Variants in DCC observed in about 807,000 individuals in gnomAD.
DCC encodes the protein netrin receptor DCC.
In DCC, 58 loss-of-function variants were observed where a neutral mutation model predicts 172.5. That is an observed-to-expected ratio of 0.34 (90% confidence interval 0.27 to 0.42). The LOEUF (loss-of-function observed/expected upper bound fraction) is 0.42. DCC is among the 10% of genes least tolerant of loss of function. The probability of loss-of-function intolerance (pLI) is 1.00; values close to 1 mark genes in which losing one functional copy is unlikely to be tolerated. For synonymous variants in DCC, 709 were observed against 644.5 expected, an observed-to-expected ratio of 1.10 and a Z score of -1.52; for missense variants, 1,740 against 1,791.0, an observed-to-expected ratio of 0.97 and a Z score of 0.51.
chr18:52,481,692 G>A (rs1373371040), intron 1 of DCC, among the ~76,000 whole-genome samples: 1 of 151,918 alleles, frequency 6.6e-6, no homozygotes, highest in East Asian at 1.9e-4. Flanking sequence ...GGTTAATGTT[G>A]GAACTCTAAC....
At chr18:53,328,079 T>G (rs1308993584) in intron 14 of DCC, among the ~76,000 whole-genome samples, 1 of 152,224 alleles carries the variant, frequency 6.6e-6, no homozygotes, top group East Asian at 1.9e-4. Flanking sequence ...ATATGGTATC[T>G]GTTTCAGTTC....
In DCC at chr18:53,151,593, G is replaced by T. The variant is rs567353845; in HGVS notation, c.1262-5763G>T. Among the ~76,000 whole-genome samples the T allele has an allele frequency of 6.6e-5, 10 of 152,058 alleles. 1 individual carries two copies. The South Asian group carries it at 2.1e-3, about 32-fold the overall frequency. On this transcript the variant is annotated intron_variant, in intron 7 of 28. Coordinates refer to ENST00000442544, the MANE Select transcript of DCC (RefSeq NM_005215.4). ...TTTCACAATGTATATATGCCTCAAG[G>T]TATCATGTTATACAGGATAAAAGCA...
intron 2 of DCC, among the ~76,000 whole-genome samples, chr18:52,817,803 A>G (rs115258935): frequency 0.02 from 3,006 of 151,526 alleles, 45 homozygotes; most frequent in Admixed American, 0.05. Flanking sequence ...ATATATATAT[A>G]TGTGTGTGTG....
At chr18:52,618,536 T>A (rs1212667656) in intron 1 of DCC, among the ~76,000 whole-genome samples, 1 of 152,186 alleles carries the variant, frequency 6.6e-6, no homozygotes, top group Non-Finnish European at 1.5e-5. Context: ...ATAAAAGTGC[T>A]TTTATTCACT....
At chr18:52,435,470 A>G (rs1393802656) in intron 1 of DCC, among the ~76,000 whole-genome samples, 1 of 152,042 alleles carries the variant, frequency 6.6e-6, no homozygotes, top group Non-Finnish European at 1.5e-5. Flanking sequence ...CCTCGGGTGG[A>G]TGGGACCACA....
chr18:52,940,818 A>T (rs1321370204), intron 5 of DCC: 1 of 152,200 alleles, frequency 6.6e-6, no homozygotes, highest in Non-Finnish European at 1.5e-5. Flanking sequence ...TCAAAAGGTC[A>T]ATCAAATGCC....
At chr18:53,180,174 G>A (rs2055173003) in intron 9 of DCC, among the ~76,000 whole-genome samples, 1 of 152,158 alleles carries the variant, frequency 6.6e-6, no homozygotes, top group Non-Finnish European at 1.5e-5. Flanking sequence ...GAGAGCAGGA[G>A]ATACAGTCTG....
chr18:52,658,079 G>A (rs1426767085), intron 1 of DCC, among the ~76,000 whole-genome samples: 2 of 152,124 alleles, frequency 1.3e-5, no homozygotes, highest in African/African-American at 2.4e-5. Flanking sequence ...GTGCAAACTC[G>A]CTCACCATTG....
intron 2 of DCC, among the ~76,000 whole-genome samples, chr18:52,818,418 T>TAAAAAA (rs55812629): frequency 1.0e-4 from 10 of 97,094 alleles, no homozygotes; most frequent in South Asian, 3.2e-4. Flanking sequence ...TCTCAAAAAG[T>TAAAAAA]AAAAAAAAAA....
At chr18:53,266,152 C>A (rs2056671168) in intron 12 of DCC, among the ~76,000 whole-genome samples, 1 of 152,160 alleles carries the variant, frequency 6.6e-6, no homozygotes, top group Non-Finnish European at 1.5e-5. Flanking sequence ...TGTTTTACTT[C>A]TTTTGTCAAC....
chr18:52,405,655 C>T (rs9675361), intron 1 of DCC, among the ~76,000 whole-genome samples: 98,137 of 147,906 alleles, frequency 0.66, 32,691 homozygotes, highest in Non-Finnish European at 0.69. Flanking sequence ...CAAACCACTG[C>T]TCAAGGAAAT....
intron 7 of DCC, among the ~76,000 whole-genome samples, chr18:53,146,295 C>T (rs2043913066): frequency 6.6e-6 from 1 of 152,180 alleles, no homozygotes; most frequent in African/African-American, 2.4e-5. Flanking sequence ...TCTTACAGTT[C>T]TGGAGGCTGG....
At chr18:52,420,422 T>C (rs1480586920) in intron 1 of DCC, among the ~76,000 whole-genome samples, 1 of 152,140 alleles carries the variant, frequency 6.6e-6, no homozygotes, top group Non-Finnish European at 1.5e-5. Context: ...TCTTAAAGTA[T>C]GGTCCACAGT....
At chr18:53,196,507 T>C (rs1221188244) in intron 9 of DCC, among the ~76,000 whole-genome samples, 4 of 152,176 alleles carry the variant, frequency 2.6e-5, no homozygotes, top group Non-Finnish European at 5.9e-5. Context: ...ATTATCCAAC[T>C]GTTTCCAGTT....
chr18:52,399,474 C>T (rs897192798), intron 1 of DCC, among the ~76,000 whole-genome samples: 1 of 151,906 alleles, frequency 6.6e-6, no homozygotes, highest in Non-Finnish European at 1.5e-5. Flanking sequence ...TGAAGCCCAA[C>T]ATCATCTTCC....
chr18:53,408,516 T>C (rs1251223962), intron 19 of DCC, among the ~76,000 whole-genome samples: 1 of 152,204 alleles, frequency 6.6e-6, no homozygotes, highest in Non-Finnish European at 1.5e-5. Context: ...GCAGATGTCA[T>C]GATCTTATGT....
chr18:53,407,455 T>C (rs1039462503), intron 19 of DCC, among the ~76,000 whole-genome samples: 2 of 147,716 alleles, frequency 1.4e-5, no homozygotes, highest in African/African-American at 4.9e-5. Context: ...AATATATACA[T>C]ATATATATAC....
At chr18:52,386,035 T>C (rs941122574) in intron 1 of DCC, among the ~76,000 whole-genome samples, 19 of 152,124 alleles carry the variant, frequency 1.2e-4, no homozygotes, top group African/African-American at 3.9e-4. Context: ...TAGATTCTTA[T>C]TCAATCCTCA....
intron 2 of DCC, among the ~76,000 whole-genome samples, chr18:52,854,405 T>C (rs1181254086): frequency 6.6e-6 from 1 of 152,160 alleles, no homozygotes; most frequent in Non-Finnish European, 1.5e-5. Context: ...GGAATTAATA[T>C]TTCTCAGGTT....
Sources: allele counts gnomAD v4.1 joint callset (sites outside exome capture counted in the v4.1 genomes callset), GRCh38; gene constraint gnomAD v4.1.1; transcripts MANE v1.5; gene names NCBI Gene and HGNC (gene_info 2026-07-23, HGNC 2026-07-21).